The following ATG3 variants were observed in gnomAD, a reference collection of about 807,000 sequenced individuals.
The protein encoded by ATG3 is ubiquitin-like-conjugating enzyme ATG3.
ATG3 carries 25 observed loss-of-function variants against 50.7 expected under a neutral mutation model. That is an observed-to-expected ratio of 0.49 (90% CI 0.36 to 0.69). The LOEUF is 0.69. Ranked by LOEUF, ATG3 falls within the 30% of genes least tolerant of loss-of-function variation. ATG3 has a pLI of 0.00. For missense variants in ATG3, 281 were observed against 376.0 expected, an observed-to-expected ratio of 0.75 and a Z score of 2.09; for synonymous variants, 119 against 125.5, an observed-to-expected ratio of 0.95 and a Z score of 0.34.
At chr3:112,556,501 G>A (rs1221832262) in intron 2 of ATG3, among the ~76,000 whole-genome samples, 8 of 151,930 alleles carry the variant, frequency 5.3e-5, no homozygotes, top group South Asian at 2.1e-4. Flanking sequence ...CCCTCTGCCC[G>A]GCCACCACCC....
At chr3:112,549,364 T>C (rs561794532) in intron 4 of ATG3, among the ~76,000 whole-genome samples, 154 of 152,328 alleles carry the variant, frequency 1.0e-3, no homozygotes, top group African/African-American at 3.5e-3. Context: ...AAATATGCTG[T>C]AGAAAAGAAA....
chr3:112,556,337 G>A (rs937070864), intron 2 of ATG3, among the ~76,000 whole-genome samples: 27 of 151,840 alleles, frequency 1.8e-4, no homozygotes, highest in African/African-American at 6.3e-4. Flanking sequence ...CCCTCTGCCC[G>A]GCCGCCCCTA....
chr3:112,554,819 C>G lies in ATG3; in HGVS notation c.115-1490G>C, dbSNP rs1933620328. On this transcript the variant is annotated intron_variant, in intron 2 of 11. Transcript: ENST00000283290. ...TATCAAATAAGAATTCTAAGAATAACCTCTTTTAAGATGAAACATTAACAA... is the reference window on the plus strand; with the variant it reads ...TATCAAATAAGAATTCTAAGAATAAGCTCTTTTAAGATGAAACATTAACAA... 2.0e-5 allele frequency among the ~76,000 whole-genome samples: 3 copies of G among 152,126 alleles called. No individual in the cohort carries two copies. In the South Asian group the frequency reaches 6.2e-4, roughly 32 times the overall value.
intron 4 of ATG3, among the ~76,000 whole-genome samples, chr3:112,549,659 A>C (rs1576723501): frequency 6.6e-6 from 1 of 152,048 alleles, no homozygotes; most frequent in African/African-American, 2.4e-5. Flanking sequence ...AAATACAAAA[A>C]TTAGCCGGGC....
chr3:112,532,782 T>C lies in ATG3; in HGVS notation c.864-2A>G. 6.3e-7 allele frequency: 1 copy of C among 1,583,440 alleles called. No individual in the cohort carries two copies. The highest frequency in any genetic ancestry group is 8.6e-7 in the Non-Finnish European group (1 of 1,166,182). On this transcript the variant is annotated splice_acceptor_variant, in intron 11 of 11. Coordinates refer to ENST00000283290, the MANE Select transcript of ATG3 (RefSeq NM_022488.5). LOFTEE classifies it high-confidence loss of function. ...AATTTCAAGAAAATAAGAAGATACC[T>C]AAAGGTTTTTAGCTAAGGAAAATAA... is the stretch of plus-strand genomic sequence containing the variant.
chr3:112,554,767 CTCTAG>C (rs2107388322), intron 2 of ATG3, among the ~76,000 whole-genome samples: 1 of 150,928 alleles, frequency 6.6e-6, no homozygotes, highest in East Asian at 1.9e-4. Context: ...ATATAAAATA[CTCTAG>C]TTTAATTTGA....
intron 10 of ATG3, chr3:112,535,690 A>G (rs972180402): frequency 4.6e-5 from 7 of 152,200 alleles, no homozygotes; most frequent in Non-Finnish European, 1.0e-4. Flanking sequence ...ATGAGAAGAA[A>G]ATATTAAAGG....
At chr3:112,558,458 C>T in intron 1 of ATG3, 41 bp from the exon 2 acceptor site, 1 of 1,435,414 alleles carries the variant, frequency 7.0e-7, no homozygotes, top group Non-Finnish European at 9.8e-7. Context: ...TATCATGTTT[C>T]ACTATCAATT....
At chr3:112,533,335 C>G (rs2082569804) in intron 11 of ATG3, 1 of 984,958 alleles carries the variant, frequency 1.0e-6, no homozygotes, top group Non-Finnish European at 1.2e-6. Flanking sequence ...TTGGGGGAAA[C>G]CAATTACTAT....
intron 2 of ATG3, among the ~76,000 whole-genome samples, chr3:112,556,776 T>G (rs1321950482): frequency 6.6e-6 from 1 of 152,012 alleles, no homozygotes; most frequent in African/African-American, 2.4e-5. Context: ...CAGGGTTGAA[T>G]GGATTAAGGG....
chr3:112,542,606 C>A (rs1056923989), intron 6 of ATG3, among the ~76,000 whole-genome samples: 2 of 151,934 alleles, frequency 1.3e-5, no homozygotes, highest in Non-Finnish European at 2.9e-5. Context: ...CATTCTTACA[C>A]CCAAAATTGA....
chr3:112,551,142 G>T (rs1933515174), intron 3 of ATG3, among the ~76,000 whole-genome samples: 1 of 152,132 alleles, frequency 6.6e-6, no homozygotes, highest in African/African-American at 2.4e-5. Context: ...AGTGGTATGT[G>T]GTGCCTTTCA....
intron 7 of ATG3, among the ~76,000 whole-genome samples, chr3:112,540,058 T>C (rs533585941): frequency 2.0e-5 from 3 of 152,274 alleles, no homozygotes; most frequent in African/African-American, 7.2e-5. Flanking sequence ...ACATCTGAAG[T>C]TGAGAATATC....
chr3:112,548,528 C>G lies in ATG3; in HGVS notation c.343+5G>C. On this transcript the variant is annotated splice_donor_5th_base_variant and intron_variant, in intron 5 of 11. Coordinates refer to ENST00000283290, the MANE Select transcript of ATG3 (RefSeq NM_022488.5). ...TAAATATATGTCATTTTATTCTCCT[C>G]TTACCTGTGTTGTGATATGTATCTA... 1 of 1,592,148 alleles carries G rather than the reference C, an allele frequency of 6.3e-7. No homozygotes were observed. The highest frequency in any genetic ancestry group is 2.2e-5 in the East Asian group (1 of 44,754).
chr3:112,557,943 C>T (rs1428806435), intron 2 of ATG3, among the ~76,000 whole-genome samples: 3 of 152,012 alleles, frequency 2.0e-5, no homozygotes, highest in African/African-American at 7.2e-5. Context: ...ACTTCTCCAC[C>T]GACAACGAAA....
chr3:112,539,341 C>T (rs189126218), intron 7 of ATG3, among the ~76,000 whole-genome samples: 7 of 152,166 alleles, frequency 4.6e-5, no homozygotes, highest in Admixed American at 4.6e-4. Flanking sequence ...TACTACTCTC[C>T]CTTCTCTCCT....
At chr3:112,557,948 A>G (rs1487778866) in intron 2 of ATG3, among the ~76,000 whole-genome samples, 1 of 152,232 alleles carries the variant, frequency 6.6e-6, no homozygotes, top group Non-Finnish European at 1.5e-5. Flanking sequence ...TCCACCGACA[A>G]CGAAATAGAA....
At chr3:112,554,648 T>A (rs186413006) in intron 2 of ATG3, among the ~76,000 whole-genome samples, 235 of 152,372 alleles carry the variant, frequency 1.5e-3, no homozygotes, top group African/African-American at 5.1e-3. Flanking sequence ...GCCAAATTAC[T>A]TCTATTTTGC....
chr3:112,538,619 G>A (rs957480225), intron 7 of ATG3, among the ~76,000 whole-genome samples: 1 of 152,144 alleles, frequency 6.6e-6, no homozygotes, highest in Non-Finnish European at 1.5e-5. Flanking sequence ...TCATCACTGA[G>A]TGCTGTTTCA....
Sources: allele counts gnomAD v4.1 joint callset (sites outside exome capture counted in the v4.1 genomes callset), GRCh38; gene constraint gnomAD v4.1.1; transcripts MANE v1.5; gene names NCBI Gene and HGNC (gene_info 2026-07-23, HGNC 2026-07-21).